The following TTC21B variants were observed in gnomAD, a reference collection of about 807,000 sequenced individuals.
TTC21B encodes tetratricopeptide repeat protein 21B.
In TTC21B, 127 loss-of-function variants were observed where a neutral mutation model predicts 175.1. The observed-to-expected ratio is 0.73, with a 90% CI of 0.63 to 0.84. TTC21B has a LOEUF of 0.84. Among genes scored for constraint, TTC21B ranks in the 40% least tolerant of loss-of-function variants. The pLI, the probability that TTC21B is intolerant of heterozygous loss-of-function variation, is 0.00. For missense variants in TTC21B, 1,561 were observed against 1,558.3 expected (o/e 1.00, Z -0.03); for synonymous variants, 524 against 524.5 (o/e 1.00, Z 0.01).
chr2:165,894,651 G>A lies in TTC21B; in HGVS notation c.2951-3663C>T, dbSNP rs573999059. The stretch of plus-strand genomic sequence containing the variant: ...GTGCAGTGGTGTGATCTTGGCTCAC[G>A]GCAACCTCCACCTCCCAGGTTCAAG... On this transcript the variant is annotated intron_variant, in intron 22 of 28. Coordinates refer to ENST00000243344, the MANE Select transcript of TTC21B (RefSeq NM_024753.5). 2.6e-4 allele frequency among the ~76,000 whole-genome samples: 40 copies of A among 152,080 alleles called. No individual in the cohort carries two copies. The South Asian group carries it at 7.3e-3, about 28-fold the overall frequency.
intron 1 of TTC21B, among the ~76,000 whole-genome samples, chr2:165,950,978 G>GC (rs1221856214): frequency 3.9e-5 from 6 of 152,070 alleles, no homozygotes; most frequent in Admixed American, 3.9e-4. Context: ...GATCAGTTAG[G>GC]CGACTGTTCT....
intron 25 of TTC21B, among the ~76,000 whole-genome samples, chr2:165,886,503 A>C (rs1685001480): frequency 6.6e-6 from 1 of 152,200 alleles, no homozygotes; most frequent in South Asian, 2.1e-4. Flanking sequence ...AGTTAAAAGA[A>C]AAAAAAGTGA....
chr2:165,915,231 T>C lies in TTC21B; in HGVS notation c.2108A>G (p.Lys703Arg). ...KMADIYLKHR[K>R]DKMLYITCFR... ...ACAAGTGATATATAACATTTTATCT[T>C]TTCTGTGCTTCAGATAAATATCTGC... The change falls in exon 15 of 29, where the codon AAA becomes AGA. Residue 703 changes from lysine (K) to arginine (R), a missense_variant. Transcript: ENST00000243344. The C allele has an allele frequency of 1.2e-6, 2 of 1,613,826 alleles. No homozygotes were observed. Among genetic ancestry groups the C allele is most frequent in the East Asian group, 2.2e-5 (1 of 44,876 alleles).
intron 11 of TTC21B, among the ~76,000 whole-genome samples, chr2:165,928,351 C>T (rs1686753841): frequency 6.6e-6 from 1 of 152,008 alleles, no homozygotes; most frequent in South Asian, 2.1e-4. Context: ...ACTGTTAATT[C>T]AACAGAGGTC....
chr2:165,909,314 A>G (rs1681124621), intron 18 of TTC21B, among the ~76,000 whole-genome samples: 1 of 152,146 alleles, frequency 6.6e-6, no homozygotes, highest in Admixed American at 6.5e-5. Flanking sequence ...TAGTTTCATA[A>G]CGTTAGGATT....
chr2:165,894,553 T>C (rs1027000131), intron 22 of TTC21B, among the ~76,000 whole-genome samples: 7 of 152,044 alleles, frequency 4.6e-5, no homozygotes, highest in Non-Finnish European at 8.8e-5. Flanking sequence ...AAATATCACA[T>C]AGACAATAAA....
At chr2:165,876,337 G>A in intron 27 of TTC21B, 105 bp from the exon 28 acceptor site, 1 of 776,958 alleles carries the variant, frequency 1.3e-6, no homozygotes, top group Non-Finnish European at 2.3e-6. Flanking sequence ...TGGTAAGGGA[G>A]GCTGGTGAAT....
At chr2:165,945,157 T>C (rs1200548788) in intron 4 of TTC21B, among the ~76,000 whole-genome samples, 2 of 152,146 alleles carry the variant, frequency 1.3e-5, no homozygotes, top group African/African-American at 4.8e-5. Flanking sequence ...TTCCTTTGCA[T>C]TATTAACAGT....
intron 16 of TTC21B, 148 bp from the exon 17 acceptor site, chr2:165,912,772 A>G: frequency 1.4e-6 from 1 of 698,026 alleles, no homozygotes. Context: ...AACAATTTCA[A>G]AAAGGTGATA....
At chr2:165,946,525 G>T (rs1574144466) in intron 3 of TTC21B, among the ~76,000 whole-genome samples, 1 of 151,972 alleles carries the variant, frequency 6.6e-6, no homozygotes, top group East Asian at 1.9e-4. Context: ...TTCAAATTCA[G>T]TTCCTCAAAC....
rs928682724 is a variant in TTC21B at position 165,949,243 on chromosome 2, A to C, written c.262+151T>G. On this transcript the variant is annotated intron_variant, in intron 3 of 28. Coordinates refer to ENST00000243344, the MANE Select transcript of TTC21B (RefSeq NM_024753.5). Reference sequence around the variant, plus strand: ...CATTTCTTGTGCCTGATGAATTTACACCCTTGTCAGGAAGATAAACATATG... The same window carrying C: ...CATTTCTTGTGCCTGATGAATTTACCCCCTTGTCAGGAAGATAAACATATG... 20 of 666,512 alleles carry C rather than the reference A, an allele frequency of 3.0e-5. No homozygotes were observed. In the African/African-American group the frequency reaches 3.1e-4, roughly 10 times the overall value. 41.3% of individuals were successfully genotyped at this position (666,512 alleles called of 1,614,324 possible).
chr2:165,926,356 T>TCC (rs1323951399), intron 11 of TTC21B, among the ~76,000 whole-genome samples: 1 of 152,112 alleles, frequency 6.6e-6, no homozygotes, highest in African/African-American at 2.4e-5. Context: ...TTTTGGTGAC[T>TCC]CCCCATTGTA....
At chr2:165,942,356 G>A (rs911040156) in intron 5 of TTC21B, among the ~76,000 whole-genome samples, 1 of 152,110 alleles carries the variant, frequency 6.6e-6, no homozygotes, top group Non-Finnish European at 1.5e-5. Flanking sequence ...TTGAAGAAAG[G>A]GTCCTACTTA....
chr2:165,877,983 G>C (rs1183811020), intron 27 of TTC21B, among the ~76,000 whole-genome samples: 1 of 152,102 alleles, frequency 6.6e-6, no homozygotes, highest in East Asian at 1.9e-4. Context: ...TTTCAGTTTT[G>C]GTTTGTGGTT....
chr2:165,932,476 T>A (rs1264966138), intron 7 of TTC21B, among the ~76,000 whole-genome samples: 2 of 152,150 alleles, frequency 1.3e-5, no homozygotes, highest in East Asian at 3.9e-4. Context: ...AGTTTGGCAC[T>A]CCATGATCCA....
At chr2:165,932,551 T>C (rs1686952371) in intron 7 of TTC21B, among the ~76,000 whole-genome samples, 1 of 152,118 alleles carries the variant, frequency 6.6e-6, no homozygotes. Flanking sequence ...ATAATGGGAT[T>C]TTATCCCAAG....
At chr2:165,881,263 TA>T (rs1299662705) in intron 26 of TTC21B, among the ~76,000 whole-genome samples, 1 of 152,166 alleles carries the variant, frequency 6.6e-6, no homozygotes, top group East Asian at 1.9e-4. Context: ...TGTGCATCTG[TA>T]AAAGAAAAAG....
chr2:165,885,128 A>G (rs1041214361), intron 25 of TTC21B, among the ~76,000 whole-genome samples: 4 of 152,180 alleles, frequency 2.6e-5, no homozygotes, highest in Admixed American at 6.5e-5. Flanking sequence ...CCAGCATGGA[A>G]GACAGAATGA....
chr2:165,909,086 T>C (rs562561671), intron 18 of TTC21B, among the ~76,000 whole-genome samples: 21 of 152,074 alleles, frequency 1.4e-4, no homozygotes, highest in Middle Eastern at 3.4e-3. Context: ...AAAAGAAACA[T>C]ACACAATGGA....
Sources: allele counts gnomAD v4.1 joint callset (sites outside exome capture counted in the v4.1 genomes callset), GRCh38; gene constraint gnomAD v4.1.1; transcripts MANE v1.5; gene names NCBI Gene and HGNC (gene_info 2026-07-23, HGNC 2026-07-21).